SORCS2: variants seen among roughly 807,000 people sequenced by gnomAD.
SORCS2 encodes the protein VPS10 domain-containing receptor SorCS2.
A neutral mutation model predicts 141.6 loss-of-function variants in SORCS2; 100 were observed. The observed-to-expected ratio is 0.71, with a 90% CI of 0.60 to 0.83. The LOEUF (loss-of-function observed/expected upper bound fraction) is 0.83. SORCS2 is among the 40% of genes least tolerant of loss of function. SORCS2 has a pLI of 0.00. For synonymous variants in SORCS2, 789 were observed against 676.9 expected, an observed-to-expected ratio of 1.17 and a Z score of -2.57; for missense variants, 1,646 against 1,560.2, an observed-to-expected ratio of 1.05 and a Z score of -0.93.
At chr4:7,445,089 C>T (rs1389724704) in intron 2 of SORCS2, among the ~76,000 whole-genome samples, 2 of 148,484 alleles carry the variant, frequency 1.3e-5, no homozygotes, top group African/African-American at 5.3e-5. Flanking sequence ...TGGGGGAGGC[C>T]CAGACTTGCA....
intron 2 of SORCS2, among the ~76,000 whole-genome samples, chr4:7,415,108 G>T (rs923419872): frequency 2.6e-5 from 4 of 152,216 alleles, no homozygotes; most frequent in Non-Finnish European, 4.4e-5. Flanking sequence ...TCAGGAGGCT[G>T]GGAGCTGCCG....
chr4:7,674,785 AT>A (rs1723008775), intron 8 of SORCS2, among the ~76,000 whole-genome samples: 1 of 145,582 alleles, frequency 6.9e-6, no homozygotes, highest in African/African-American at 2.6e-5. Context: ...CAGAATCGGG[AT>A]TTGATCTGTT....
At chr4:7,698,010 G>A (rs1044124790) in intron 12 of SORCS2, among the ~76,000 whole-genome samples, 2 of 152,066 alleles carry the variant, frequency 1.3e-5, no homozygotes, top group African/African-American at 2.4e-5. Context: ...TGGAGAAAGC[G>A]AGGCTGAGGG....
intron 3 of SORCS2, among the ~76,000 whole-genome samples, chr4:7,603,738 G>T (rs1717884562): frequency 6.6e-6 from 1 of 152,056 alleles, no homozygotes; most frequent in Non-Finnish European, 1.5e-5. Flanking sequence ...TTCATAGTGA[G>T]GTCATCATGC....
At chr4:7,481,697 T>G (rs1185536526) in intron 2 of SORCS2, among the ~76,000 whole-genome samples, 1 of 151,958 alleles carries the variant, frequency 6.6e-6, no homozygotes, top group Non-Finnish European at 1.5e-5. Context: ...TGAGCCTCGG[T>G]GGTGGGGAGG....
chr4:7,545,700 A>G (rs1010057820), intron 3 of SORCS2, among the ~76,000 whole-genome samples: 17 of 151,900 alleles, frequency 1.1e-4, no homozygotes, highest in African/African-American at 3.6e-4. Context: ...ATCTCACCCC[A>G]CAGGCCCTGG....
chr4:7,357,989 A>G (rs780349642), intron 1 of SORCS2, among the ~76,000 whole-genome samples: 5 of 152,242 alleles, frequency 3.3e-5, no homozygotes, highest in African/African-American at 4.8e-5. Context: ...ACCTCTGTGC[A>G]TGCTTCCTCC....
intron 3 of SORCS2, among the ~76,000 whole-genome samples, chr4:7,539,551 G>A (rs1320833318): frequency 6.6e-6 from 1 of 152,148 alleles, no homozygotes; most frequent in African/African-American, 2.4e-5. Flanking sequence ...GGGCTCTAAT[G>A]GCTCCCTCTC....
chr4:7,348,544 C>A (rs143732680), intron 1 of SORCS2, among the ~76,000 whole-genome samples: 1 of 152,110 alleles, frequency 6.6e-6, no homozygotes, highest in African/African-American at 2.4e-5. Flanking sequence ...AAATTTCAAT[C>A]TTGTGTTGTT....
chr4:7,693,559 G>T (rs1390128153), intron 11 of SORCS2, among the ~76,000 whole-genome samples: 1 of 152,218 alleles, frequency 6.6e-6, no homozygotes, highest in African/African-American at 2.4e-5. Flanking sequence ...CTGGTCACTG[G>T]TCTGTGTCCC....
chr4:7,521,235 C>A (rs1325400319), intron 2 of SORCS2, among the ~76,000 whole-genome samples: 1 of 152,120 alleles, frequency 6.6e-6, no homozygotes, highest in Non-Finnish European at 1.5e-5. Flanking sequence ...GGGCATCCTG[C>A]TCTCTCCCTG....
At chr4:7,392,510 T>C (rs1723929604) in intron 1 of SORCS2, among the ~76,000 whole-genome samples, 1 of 152,174 alleles carries the variant, frequency 6.6e-6, no homozygotes, top group Non-Finnish European at 1.5e-5. Flanking sequence ...CGCTCTGTGC[T>C]GGGCTCACGG....
At chr4:7,472,022 C>A (rs1003287342) in intron 2 of SORCS2, among the ~76,000 whole-genome samples, 4 of 152,260 alleles carry the variant, frequency 2.6e-5, no homozygotes, top group African/African-American at 9.6e-5. Flanking sequence ...GTGCTTCGAC[C>A]CTGACCTCTC....
chr4:7,426,290 TGGCTTTGAGCCAGGGGAGGCCCGAGGAC>T (rs35764094), intron 2 of SORCS2, among the ~76,000 whole-genome samples: 80,108 of 151,706 alleles, frequency 0.53, 21,986 homozygotes, highest in African/African-American at 0.63. Flanking sequence ...CCGGGGCTGG[TGGCTTTGAGCCAGGGGAGGCCCGAGGAC>T]GGCTTTGCTG....
chr4:7,707,920 G>A (rs1401489835), intron 14 of SORCS2, among the ~76,000 whole-genome samples: 1 of 152,166 alleles, frequency 6.6e-6, no homozygotes, highest in African/African-American at 2.4e-5. Context: ...AGCTCACACA[G>A]CTCCGCCCCC....
intron 1 of SORCS2, among the ~76,000 whole-genome samples, chr4:7,328,398 C>A (rs1414629504): frequency 2.0e-5 from 3 of 152,006 alleles, no homozygotes; most frequent in African/African-American, 7.3e-5. Context: ...GAGGCAGGAG[C>A]TGTGACCATT....
intron 1 of SORCS2, among the ~76,000 whole-genome samples, chr4:7,367,968 C>G (rs780949044): frequency 6.6e-6 from 1 of 152,210 alleles, no homozygotes; most frequent in Non-Finnish European, 1.5e-5. Flanking sequence ...CCTCTGAGTG[C>G]TTGGGCTTCC....
intron 17 of SORCS2, among the ~76,000 whole-genome samples, chr4:7,715,546 C>T (rs547651920): frequency 2.6e-5 from 4 of 152,330 alleles, no homozygotes; most frequent in Admixed American, 1.3e-4. Flanking sequence ...CCAAAGGAAC[C>T]CACAGGGTTC....
intron 1 of SORCS2, among the ~76,000 whole-genome samples, chr4:7,359,389 C>T (rs1447220025): frequency 2.0e-5 from 3 of 152,222 alleles, no homozygotes; most frequent in Non-Finnish European, 2.9e-5. Flanking sequence ...CCATCTGGGC[C>T]TCCCAAAGTG....
Sources: allele counts gnomAD v4.1 joint callset (sites outside exome capture counted in the v4.1 genomes callset), GRCh38; gene constraint gnomAD v4.1.1; transcripts MANE v1.5; gene names NCBI Gene and HGNC (gene_info 2026-07-23, HGNC 2026-07-21).